GRID2: variants seen among roughly 807,000 people sequenced by gnomAD.
The protein encoded by GRID2 is glutamate ionotropic receptor delta type subunit 2.
Under a neutral mutation model 114.8 loss-of-function variants are expected in GRID2, and 33 were observed. That is an observed-to-expected ratio of 0.29 (90% CI 0.22 to 0.38). GRID2 has a LOEUF of 0.38. GRID2 is among the 10% of genes least tolerant of loss of function. GRID2 has a pLI of 1.00. For synonymous variants in GRID2, 505 were observed against 449.9 expected, an observed-to-expected ratio of 1.12 and a Z score of -1.55; for missense variants, 1,184 against 1,257.7, an observed-to-expected ratio of 0.94 and a Z score of 0.89.
intron 13 of GRID2, among the ~76,000 whole-genome samples, chr4:93,612,155 A>G (rs1431791500): frequency 1.3e-5 from 2 of 150,900 alleles, no homozygotes; most frequent in East Asian, 3.9e-4. Context: ...TTTGTTTTCC[A>G]TTGGTTTGGT....
intron 2 of GRID2, among the ~76,000 whole-genome samples, chr4:92,740,350 T>A (rs1197694954): frequency 6.6e-6 from 1 of 152,200 alleles, no homozygotes; most frequent in Admixed American, 6.5e-5. Context: ...TGAGTGCTAA[T>A]CTCTGTTTCT....
chr4:92,361,456 A>G (rs1198109357), intron 1 of GRID2, among the ~76,000 whole-genome samples: 4 of 152,030 alleles, frequency 2.6e-5, no homozygotes, highest in Admixed American at 2.0e-4. Context: ...GAAAGCCTTT[A>G]TATAATTGAA....
intron 2 of GRID2, among the ~76,000 whole-genome samples, chr4:92,592,293 G>A (rs896849179): frequency 2.0e-5 from 3 of 151,782 alleles, no homozygotes; most frequent in African/African-American, 7.3e-5. Context: ...TTCAAAGACA[G>A]GCTAAACTAC....
intron 4 of GRID2, among the ~76,000 whole-genome samples, chr4:93,185,798 C>G (rs1162967996): frequency 6.6e-6 from 1 of 152,078 alleles, no homozygotes; most frequent in Non-Finnish European, 1.5e-5. Flanking sequence ...GCACTACGTG[C>G]AGGTTTGTTA....
intron 1 of GRID2, among the ~76,000 whole-genome samples, chr4:92,525,492 A>T (rs1023894649): frequency 6.6e-6 from 1 of 152,054 alleles, no homozygotes; most frequent in Non-Finnish European, 1.5e-5. Flanking sequence ...AACTGTCAGG[A>T]AAGTAGTCAA....
chr4:93,345,126 AAT>A (rs1245532785), intron 8 of GRID2, among the ~76,000 whole-genome samples: 3 of 151,930 alleles, frequency 2.0e-5, no homozygotes, highest in Non-Finnish European at 1.5e-5. Flanking sequence ...CAAAAGTGCA[AAT>A]ATCTCTTTAA....
At chr4:93,357,632 AT>A (rs1761475908) in intron 8 of GRID2, among the ~76,000 whole-genome samples, 1 of 151,558 alleles carries the variant, frequency 6.6e-6, no homozygotes. Context: ...TTATATTAAA[AT>A]TTATATTGCT....
rs545703393 is a variant in GRID2 at position 93,192,306 on chromosome 4, A to G, written c.736-15098A>G. ...ATATTCTATTTTTAGGAAAATAGAT[A>G]GCCTTCTCTAACAAATACATTTTTC... is the stretch of plus-strand genomic sequence containing the variant. On this transcript the variant is annotated intron_variant, in intron 4 of 15. Transcript: ENST00000282020. 1.3e-4 allele frequency among the ~76,000 whole-genome samples: 20 copies of G among 152,374 alleles called. No homozygotes were observed. In the South Asian group the frequency reaches 3.9e-3, roughly 30 times the overall value.
At chr4:93,567,262 T>A (rs1735518422) in intron 13 of GRID2, among the ~76,000 whole-genome samples, 1 of 152,236 alleles carries the variant, frequency 6.6e-6, no homozygotes, top group Non-Finnish European at 1.5e-5. Context: ...CCCACATTCC[T>A]ATTTACAATA....
chr4:93,525,321 A>G (rs1181025236), intron 13 of GRID2, among the ~76,000 whole-genome samples: 2 of 152,166 alleles, frequency 1.3e-5, no homozygotes, highest in African/African-American at 4.8e-5. Context: ...GAGCAAAGGC[A>G]TGAAGGTGAG....
intron 2 of GRID2, among the ~76,000 whole-genome samples, chr4:92,676,284 C>A (rs12648369): frequency 0.022 from 3,268 of 150,594 alleles, 51 homozygotes; most frequent in Non-Finnish European, 0.029. Context: ...GGTTCATGCC[C>A]TTCTCCTGCC....
intron 13 of GRID2, among the ~76,000 whole-genome samples, chr4:93,592,256 G>T (rs1417981516): frequency 6.6e-6 from 1 of 151,894 alleles, no homozygotes. Flanking sequence ...GGTATGTTGT[G>T]TCTTTGTTCT....
intron 8 of GRID2, among the ~76,000 whole-genome samples, chr4:93,312,576 C>T (rs1178798449): frequency 6.6e-6 from 1 of 152,100 alleles, no homozygotes; most frequent in South Asian, 2.1e-4. Flanking sequence ...TTCAACCCAT[C>T]AAGGAAGTAG....
At chr4:92,343,822 T>C (rs183627757) in intron 1 of GRID2, among the ~76,000 whole-genome samples, 24 of 152,310 alleles carry the variant, frequency 1.6e-4, no homozygotes, top group African/African-American at 5.3e-4. Context: ...GATCCACCAG[T>C]CTTGGCCTCC....
At chr4:92,424,853 A>G (rs1461408244) in intron 1 of GRID2, among the ~76,000 whole-genome samples, 1 of 151,956 alleles carries the variant, frequency 6.6e-6, no homozygotes, top group Non-Finnish European at 1.5e-5. Flanking sequence ...TGATTAAACA[A>G]AAATTCAAAA....
chr4:92,474,011 T>A (rs1229081002), intron 1 of GRID2, among the ~76,000 whole-genome samples: 1 of 148,690 alleles, frequency 6.7e-6, no homozygotes, highest in Non-Finnish European at 1.5e-5. Context: ...TGTGTACGTA[T>A]GCGATGACAA....
chr4:92,416,414 C>T (rs1242058668), intron 1 of GRID2, among the ~76,000 whole-genome samples: 1 of 152,026 alleles, frequency 6.6e-6, no homozygotes, highest in Non-Finnish European at 1.5e-5. Context: ...TTGATTAGGT[C>T]CCCCGAATTT....
chr4:92,867,396 T>C (rs1205883844), intron 2 of GRID2, among the ~76,000 whole-genome samples: 1 of 151,038 alleles, frequency 6.6e-6, no homozygotes, highest in Non-Finnish European at 1.5e-5. Flanking sequence ...CCAAGAGCAG[T>C]GTGCTCTGCT....
chr4:93,459,014 T>C (rs1723470403), intron 11 of GRID2, among the ~76,000 whole-genome samples: 1 of 151,690 alleles, frequency 6.6e-6, no homozygotes, highest in Non-Finnish European at 1.5e-5. Flanking sequence ...ACACCATCTC[T>C]GCTAAAAATA....
Sources: gnomAD v4.1 joint callset for allele counts (sites outside exome capture counted in the v4.1 genomes callset) on GRCh38, gnomAD v4.1.1 for gene constraint, MANE v1.5 for transcripts, NCBI Gene and HGNC (gene_info 2026-07-23, HGNC 2026-07-21) for gene names.